Variants in COL8A1 observed in about 807,000 individuals in gnomAD.
COL8A1 encodes collagen alpha-1(VIII) chain.
Under a neutral mutation model 42.7 loss-of-function variants are expected in COL8A1, and 21 were observed. The ratio of observed to expected loss-of-function variants is 0.49; its 90% confidence interval spans 0.35 to 0.71. COL8A1 has a LOEUF of 0.71. COL8A1 is among the 30% of genes least tolerant of loss of function. The pLI, the probability that COL8A1 is intolerant of heterozygous loss-of-function variation, is 0.01. For synonymous variants in COL8A1, 367 were observed against 369.1 expected (o/e 0.99, Z 0.06); for missense variants, 788 against 962.4 (o/e 0.82, Z 2.40).
chr3:99,696,674 C>A (rs1939377899), intron 1 of COL8A1, among the ~76,000 whole-genome samples: 1 of 152,192 alleles, frequency 6.6e-6, no homozygotes, highest in African/African-American at 2.4e-5. Context: ...AGAGACTGGG[C>A]AGCCATTCAT....
chr3:99,736,613 C>G (rs1439607818), intron 1 of COL8A1, among the ~76,000 whole-genome samples: 2 of 152,040 alleles, frequency 1.3e-5, no homozygotes, highest in African/African-American at 4.8e-5. Flanking sequence ...GTTATAATTT[C>G]TGTTCTTTTA....
intron 1 of COL8A1, among the ~76,000 whole-genome samples, chr3:99,690,703 T>A (rs1239158287): frequency 6.6e-6 from 1 of 152,234 alleles, no homozygotes. Context: ...TAACTCATAA[T>A]GTTCCACAGA....
intron 2 of COL8A1, among the ~76,000 whole-genome samples, chr3:99,745,781 A>G (rs1941012572): frequency 6.6e-6 from 1 of 152,044 alleles, no homozygotes; most frequent in South Asian, 2.1e-4. Context: ...TTGATCTCTC[A>G]GCAGAAGCAA....
chr3:99,699,699 A>G (rs993106842), intron 1 of COL8A1, among the ~76,000 whole-genome samples: 1 of 152,206 alleles, frequency 6.6e-6, no homozygotes. Flanking sequence ...TTCTAGGGAA[A>G]AAACCGAGCT....
At chr3:99,778,189 T>C (rs1308576995) in intron 2 of COL8A1, among the ~76,000 whole-genome samples, 2 of 152,180 alleles carry the variant, frequency 1.3e-5, no homozygotes, top group East Asian at 3.8e-4. Context: ...TCGACTCCAA[T>C]AGCCTACTGC....
intron 1 of COL8A1, among the ~76,000 whole-genome samples, chr3:99,705,081 C>A (rs984898352): frequency 6.6e-5 from 10 of 152,280 alleles, no homozygotes; most frequent in African/African-American, 1.9e-4. Flanking sequence ...AAATAGATGA[C>A]AACTTTCTCT....
intron 1 of COL8A1, among the ~76,000 whole-genome samples, chr3:99,659,906 T>C (rs1207577984): frequency 6.6e-6 from 1 of 152,200 alleles, no homozygotes; most frequent in African/African-American, 2.4e-5. Context: ...TGAACCAGAA[T>C]ATATGTGATG....
At chr3:99,746,487 A>C (rs779962802) in intron 2 of COL8A1, among the ~76,000 whole-genome samples, 3 of 152,214 alleles carry the variant, frequency 2.0e-5, no homozygotes, top group Non-Finnish European at 4.4e-5. Flanking sequence ...TCTTGTAACA[A>C]AATCTTACTG....
intron 1 of COL8A1, among the ~76,000 whole-genome samples, chr3:99,716,296 C>T (rs1287717205): frequency 6.6e-6 from 1 of 152,044 alleles, no homozygotes; most frequent in Non-Finnish European, 1.5e-5. Flanking sequence ...GGTGGGGTAG[C>T]ACTTTTTTAT....
At chr3:99,760,658 T>C (rs1941350051) in intron 2 of COL8A1, among the ~76,000 whole-genome samples, 1 of 152,198 alleles carries the variant, frequency 6.6e-6, no homozygotes, top group Non-Finnish European at 1.5e-5. Context: ...TTTTCTGAGC[T>C]AAACATGATT....
intron 2 of COL8A1, among the ~76,000 whole-genome samples, chr3:99,746,943 T>G (rs1209192066): frequency 6.6e-6 from 1 of 152,196 alleles, no homozygotes; most frequent in Non-Finnish European, 1.5e-5. Context: ...TTGGTTTAAC[T>G]TGACATAGTA....
At chr3:99,791,276 ATTGT>A (rs1941995638) in intron 3 of COL8A1, among the ~76,000 whole-genome samples, 1 of 152,172 alleles carries the variant, frequency 6.6e-6, no homozygotes, top group South Asian at 2.1e-4. Flanking sequence ...CTATCCCCTT[ATTGT>A]TTATTTATTC....
intron 2 of COL8A1, among the ~76,000 whole-genome samples, chr3:99,764,701 C>T (rs145464549): frequency 1.6e-3 from 194 of 124,960 alleles, no homozygotes; most frequent in Middle Eastern, 4.9e-3. Flanking sequence ...TCTTTTTTTT[C>T]TTTTTTTTTT....
At chr3:99,644,409 A>G (rs141783135) in intron 1 of COL8A1, among the ~76,000 whole-genome samples, 1 of 152,316 alleles carries the variant, frequency 6.6e-6, no homozygotes, top group Non-Finnish European at 1.5e-5. Flanking sequence ...CAACACAATT[A>G]TTGGTAACAC....
rs1477740380 is a variant in COL8A1, at chr3:99,798,637, TGCGCGTGA to T, written c.*2506_*2513del. ...ATATATATGTGTGTGTGTGTGTGTG[TGCGCGTGA>T]GCGCACGTGTGTGTATGCGTGCGCA... On this transcript the variant is annotated 3_prime_UTR_variant, in exon 4 of 4. Transcript: ENST00000652472. The T allele has an allele frequency of 1.4e-5, 2 of 144,604 alleles. No individual in the cohort carries two copies. Among genetic ancestry groups the T allele is most frequent in the Non-Finnish European group, 3.1e-5 (2 of 65,454 alleles). 9.0% of individuals were successfully genotyped at this position (144,604 alleles called of 1,614,324 possible).
chr3:99,771,150 G>A (rs986696969), intron 2 of COL8A1, among the ~76,000 whole-genome samples: 5 of 152,136 alleles, frequency 3.3e-5, no homozygotes, highest in Admixed American at 2.6e-4. Flanking sequence ...ATGGAATTAG[G>A]GACAGGAAAG....
intron 1 of COL8A1, among the ~76,000 whole-genome samples, chr3:99,727,982 G>T (rs1447086388): frequency 6.7e-6 from 1 of 149,086 alleles, no homozygotes; most frequent in Non-Finnish European, 1.5e-5. Context: ...GGTATTGATG[G>T]GACATATTTC....
chr3:99,784,411 C>T lies in COL8A1; in HGVS notation c.-3-6269C>T, dbSNP rs190775228. On this transcript the variant is annotated intron_variant, in intron 2 of 3. Transcript: ENST00000652472. ...AGTATAGTTATGTGTCATTTAACAA[C>T]AGGAATATGTTCTGAGAGATGCACC... Among the ~76,000 whole-genome samples, 12 of 152,244 alleles carry T rather than the reference C, an allele frequency of 7.9e-5. No individual in the cohort carries two copies. The East Asian group carries it at 2.3e-3, about 29-fold the overall frequency.
Position 99,785,507 on chromosome 3 carries a change from A to G in COL8A1, c.-3-5173A>G, listed in dbSNP as rs1450367043. On this transcript the variant is annotated intron_variant, in intron 2 of 3. Coordinates refer to ENST00000652472, the MANE Select transcript of COL8A1 (RefSeq NM_020351.4). ...TGATGGAGAAGGTGGGGAAGGCTTC[A>G]CAGAGGAGGCAGGAATAGAACTGGT... Among the ~76,000 whole-genome samples, 3 of 152,202 alleles carry G rather than the reference A, an allele frequency of 2.0e-5. No individual in the cohort carries two copies. The East Asian group carries it at 5.8e-4, about 29-fold the overall frequency.
Sources: gnomAD v4.1 joint callset for allele counts (sites outside exome capture counted in the v4.1 genomes callset) on GRCh38, gnomAD v4.1.1 for gene constraint, MANE v1.5 for transcripts, NCBI Gene and HGNC (gene_info 2026-07-23, HGNC 2026-07-21) for gene names.